Variants in DOCK9 observed in about 807,000 individuals in gnomAD.
DOCK9 encodes the protein dedicator of cytokinesis 9, also known as dedicator of cytokinesis protein 9.
In DOCK9, 89 loss-of-function variants were observed where a neutral mutation model predicts 263.3. The observed-to-expected ratio is 0.34, with a 90% confidence interval of 0.28 to 0.40. The LOEUF is 0.40. DOCK9 is among the 10% of genes least tolerant of loss of function. The probability of loss-of-function intolerance (pLI) is 1.00; values close to 1 mark genes in which losing one functional copy is unlikely to be tolerated. For missense variants in DOCK9, 2,140 were observed against 2,603.4 expected (o/e 0.82, Z 3.87); for synonymous variants, 976 against 973.1 (o/e 1.00, Z -0.06).
upstream of DOCK9, chr13:99,088,114 T>C (rs2042389340): frequency 6.6e-6 from 1 of 152,232 alleles, no homozygotes; most frequent in Non-Finnish European, 1.5e-5. Flanking sequence ...CCGTCCGCAC[T>C]CAATAATTAC....
intron 1 of DOCK9, among the ~76,000 whole-genome samples, chr13:99,042,427 G>A (rs111897809): frequency 1.8e-4 from 27 of 152,314 alleles, no homozygotes; most frequent in South Asian, 1.2e-3. Context: ...CCTGCTGAAC[G>A]GGGATCCTTC....
intron 27 of DOCK9, among the ~76,000 whole-genome samples, chr13:98,876,164 A>G (rs1266167909): frequency 6.6e-6 from 1 of 152,204 alleles, no homozygotes; most frequent in Non-Finnish European, 1.5e-5. Flanking sequence ...GTGCTCCTAC[A>G]ACACTGGTGT....
intron 1 of DOCK9, among the ~76,000 whole-genome samples, chr13:98,957,102 G>A (rs2058145120): frequency 6.6e-6 from 1 of 152,108 alleles, no homozygotes; most frequent in Non-Finnish European, 1.5e-5. Flanking sequence ...CTTCCACGTG[G>A]CCCCTCCTCC....
In DOCK9 at chr13:98,868,610, G is replaced by A. The variant is rs531780798; in HGVS notation, c.2944-233C>T. Reference sequence around the variant, plus strand: ...AAGATTCCATCTGTACAATAATTAGGTGGGTGTGGTGGTATGCACCTGTAG... The same window carrying A: ...AAGATTCCATCTGTACAATAATTAGATGGGTGTGGTGGTATGCACCTGTAG... On this transcript the variant is annotated intron_variant, in intron 27 of 52. Coordinates refer to ENST00000682017, the MANE Select transcript of DOCK9 (RefSeq NM_001366683.2). 3.3e-5 allele frequency among the ~76,000 whole-genome samples: 5 copies of A among 152,180 alleles called. No homozygotes were observed. The South Asian group carries it at 8.3e-4, about 25-fold the overall frequency.
Position 98,963,763 on chromosome 13 carries a change from T to C in DOCK9, c.127-8212A>G, listed in dbSNP as rs377055681. ...TCCACTTTCAAAGCGCTTCTCAATG[T>C]TGCCAACAGGACACCAGTACTGTTG... On this transcript the variant is annotated intron_variant, in intron 1 of 52. Transcript: ENST00000682017. 1.1e-4 allele frequency among the ~76,000 whole-genome samples: 17 copies of C among 152,362 alleles called. No individual in the cohort carries two copies. In the South Asian group the frequency reaches 3.5e-3, roughly 32 times the overall value.
At chr13:98,883,179 C>T (rs755121391) in intron 22 of DOCK9, 48 bp from the exon 23 acceptor site, 23 of 1,457,840 alleles carry the variant, frequency 1.6e-5, no homozygotes, top group African/African-American at 1.4e-4. Flanking sequence ...TTAGAATACA[C>T]GCTGTGGAAA....
At chr13:99,038,882 T>C (rs1173740384) in intron 1 of DOCK9, among the ~76,000 whole-genome samples, 1 of 152,218 alleles carries the variant, frequency 6.6e-6, no homozygotes, top group African/African-American at 2.4e-5. Context: ...TAAAGCACAA[T>C]GAAAAACTCA....
At chr13:98,865,244 T>C (rs1166975412) in intron 30 of DOCK9, among the ~76,000 whole-genome samples, 2 of 152,116 alleles carry the variant, frequency 1.3e-5, no homozygotes, top group Non-Finnish European at 2.9e-5. Flanking sequence ...TTTTTGTTTC[T>C]GTTTTTTTGT....
chr13:98,977,902 G>A lies in DOCK9; in HGVS notation c.8C>T (p.Ala3Val). The change falls in exon 1 of 53, where the codon GCT becomes GTT. Residue 3 changes from alanine (A) to valine (V), a missense_variant. Physicochemically the swap from Ala to Val is moderately conservative, Grantham distance 64 (BLOSUM62 0). Around this residue, in one of 2 missense-constraint regions of DOCK9, gnomAD observed 1,521 missense variants for 1,741.7 expected, o/e 0.87. Transcript: ENST00000682017. ...TCTACTACTTGTCCTGCATTTATCA[G>A]CCTGCATTCTCGGCTGAAAACGCAA... Reference protein sequence around the residue: MQADKCRTSSRSV... With the variant: MQVDKCRTSSRSV... 6.3e-7 allele frequency: 1 copy of A among 1,589,462 alleles called. No individual in the cohort carries two copies. The highest frequency in any genetic ancestry group is 8.6e-7 in the Non-Finnish European group (1 of 1,166,852).
rs749539887 is a variant in DOCK9 at position 98,898,276 on chromosome 13, A to T, written c.1504-15T>A. 6 of 1,603,104 alleles carry T rather than the reference A, an allele frequency of 3.7e-6. No homozygotes were observed. The highest frequency in any genetic ancestry group is 5.1e-6 in the Non-Finnish European group (6 of 1,172,846). ...TTCTGGGCCACCTTGAAGACATGAGAATAAAGCTATGAGATACTGCATCTC... is the reference window on the plus strand; with the variant it reads ...TTCTGGGCCACCTTGAAGACATGAGTATAAAGCTATGAGATACTGCATCTC... On this transcript the variant is annotated splice_polypyrimidine_tract_variant and intron_variant, in intron 13 of 52. Coordinates refer to ENST00000682017, the MANE Select transcript of DOCK9 (RefSeq NM_001366683.2).
intron 33 of DOCK9, chr13:98,859,145 C>T (rs2093783068): frequency 6.6e-6 from 1 of 152,218 alleles, no homozygotes; most frequent in Non-Finnish European, 1.5e-5. Context: ...GCAGACAAAA[C>T]CCTCTAAGGA....
chr13:98,963,398 C>T (rs1481444199), intron 1 of DOCK9, among the ~76,000 whole-genome samples: 1 of 152,166 alleles, frequency 6.6e-6, no homozygotes, highest in Non-Finnish European at 1.5e-5. Context: ...CAATGTTCGC[C>T]CACAAACTGA....
intron 1 of DOCK9, among the ~76,000 whole-genome samples, chr13:99,021,064 T>C (rs372080897): frequency 2.6e-5 from 4 of 152,234 alleles, no homozygotes; most frequent in Non-Finnish European, 4.4e-5. Context: ...AGAAATGTTA[T>C]GTAAGTTGGT....
intron 1 of DOCK9, among the ~76,000 whole-genome samples, chr13:99,062,637 G>A (rs1387391926): frequency 6.6e-6 from 1 of 152,142 alleles, no homozygotes; most frequent in East Asian, 1.9e-4. Flanking sequence ...ACAGGATATC[G>A]CCATCCGCTG....
At chr13:99,077,963 G>A (rs1393618561) in intron 1 of DOCK9, among the ~76,000 whole-genome samples, 2 of 152,000 alleles carry the variant, frequency 1.3e-5, no homozygotes, top group Non-Finnish European at 2.9e-5. Flanking sequence ...CGAATGTAGT[G>A]GTTCTTGAAT....
rs913901687 is a variant in DOCK9 at position 98,829,132 on chromosome 13, T to A, written c.4965+175A>T. The stretch of plus-strand genomic sequence containing the variant: ...ACCCCTTACAATTTGTTTTAAATTA[T>A]TAAAATGCTCAGCTAACTATGAAGT... On this transcript the variant is annotated intron_variant, in intron 43 of 52. Transcript: ENST00000682017. This position sits in a 1 kb window ranked among gnomAD's most constrained non-coding sequence, Gnocchi z 4.1. 6.6e-6 allele frequency among the ~76,000 whole-genome samples: 1 copy of A among 152,226 alleles called. No individual in the cohort carries two copies. Among genetic ancestry groups the A allele is most frequent in the African/African-American group, 2.4e-5 (1 of 41,466 alleles).
At chr13:98,849,446 T>TA (rs1331340782) in intron 36 of DOCK9, among the ~76,000 whole-genome samples, 24 of 151,382 alleles carry the variant, frequency 1.6e-4, no homozygotes, top group African/African-American at 2.9e-4. Context: ...TTTTTTTTTT[T>TA]TTATTATAGA....
At chr13:98,886,686 A>G in intron 18 of DOCK9, 62 bp from the exon 19 acceptor site, 1 of 1,460,658 alleles carries the variant, frequency 6.8e-7, no homozygotes, top group Non-Finnish European at 9.5e-7. Flanking sequence ...TTAAACTTGG[A>G]TATATCGTAA....
At chr13:99,018,131 TAATAA>T (rs1408712078) in intron 1 of DOCK9, among the ~76,000 whole-genome samples, 1 of 152,162 alleles carries the variant, frequency 6.6e-6, no homozygotes, top group Non-Finnish European at 1.5e-5. Context: ...GGAGATAAAT[TAATAA>T]AATGTTACAG....
Sources: gnomAD v4.1 joint callset for allele counts (sites outside exome capture counted in the v4.1 genomes callset) on GRCh38, gnomAD v4.1.1 for gene constraint, gnomAD v4.1.1 regional missense constraint, Gnocchi (gnomAD v3.1) non-coding constraint, MANE v1.5 for transcripts, NCBI Gene and HGNC (gene_info 2026-07-23, HGNC 2026-07-21) for gene names.